PCDH9: variants seen among roughly 807,000 people sequenced by gnomAD.
PCDH9 encodes protocadherin 9.
PCDH9 carries 24 observed loss-of-function variants against 70.6 expected under a neutral mutation model. The ratio of observed to expected loss-of-function variants is 0.34; its 90% CI spans 0.25 to 0.48. The LOEUF (loss-of-function observed/expected upper bound fraction) is 0.48. PCDH9 is among the 20% of genes least tolerant of loss of function. The pLI is 0.99. For synonymous variants in PCDH9, 562 were observed against 558.5 expected (o/e 1.01, Z -0.09); for missense variants, 1,281 against 1,503.6 (o/e 0.85, Z 2.45).
At chr13:66,495,744 T>G (rs768360473) in intron 4 of PCDH9, among the ~76,000 whole-genome samples, 1 of 151,508 alleles carries the variant, frequency 6.6e-6, no homozygotes, top group African/African-American at 2.5e-5. Flanking sequence ...ATCCCCAAAC[T>G]GTGCATTCCA....
chr13:66,447,008 A>G lies in PCDH9; in HGVS notation c.3341-141980T>C, dbSNP rs558107159. 2.7e-4 allele frequency among the ~76,000 whole-genome samples: 41 copies of G among 152,152 alleles called. No individual in the cohort carries two copies. In the Middle Eastern group the frequency reaches 0.01, roughly 38 times the overall value. ...TTTCTAAGCCATTTAGCTTGTTCAT[A>G]AGTTTAGGAGTGTGACAATAGTCAT... On this transcript the variant is annotated intron_variant, in intron 4 of 4. Coordinates refer to ENST00000377865, the MANE Select transcript of PCDH9 (RefSeq NM_203487.3).
At chr13:66,626,506 A>G (rs911448017) in intron 4 of PCDH9, among the ~76,000 whole-genome samples, 1 of 152,188 alleles carries the variant, frequency 6.6e-6, no homozygotes, top group African/African-American at 2.4e-5. Context: ...GGCAGATGAG[A>G]CAATGGACAT....
At chr13:66,537,314 A>T (rs537074984) in intron 4 of PCDH9, among the ~76,000 whole-genome samples, 2 of 152,202 alleles carry the variant, frequency 1.3e-5, no homozygotes, top group African/African-American at 4.8e-5. Context: ...ATTGAAGTGA[A>T]CCTGAAATCT....
At chr13:66,653,738 T>C (rs994161669) in intron 3 of PCDH9, among the ~76,000 whole-genome samples, 1 of 151,650 alleles carries the variant, frequency 6.6e-6, no homozygotes, top group African/African-American at 2.4e-5. Context: ...GAGGCCGAGG[T>C]TGGCGGATCA....
intron 4 of PCDH9, among the ~76,000 whole-genome samples, chr13:66,434,589 G>A (rs762989636): frequency 6.6e-6 from 1 of 151,976 alleles, no homozygotes; most frequent in Non-Finnish European, 1.5e-5. Flanking sequence ...ACAAGTATGA[G>A]TAAAGCTAAG....
chr13:66,556,880 AT>A (rs561782890), intron 4 of PCDH9, among the ~76,000 whole-genome samples: 67 of 152,248 alleles, frequency 4.4e-4, no homozygotes, highest in Non-Finnish European at 8.4e-4. Flanking sequence ...AAACCTAAGA[AT>A]CTAAGTATGA....
At chr13:66,757,801 C>T (rs1442014) in intron 3 of PCDH9, among the ~76,000 whole-genome samples, 19,458 of 151,904 alleles carry the variant, frequency 0.13, 1,612 homozygotes, top group African/African-American at 0.23. Context: ...TTGATGTAGA[C>T]ATAAAAGCAC....
rs79442472 is a variant in PCDH9 at position 67,175,579 on chromosome 13, G to A, written c.3036+49826C>T. 3.7e-4 allele frequency among the ~76,000 whole-genome samples: 56 copies of A among 152,176 alleles called. No individual in the cohort carries two copies. The East Asian group carries it at 9.9e-3, about 27-fold the overall frequency. On this transcript the variant is annotated intron_variant, in intron 2 of 4. Coordinates refer to ENST00000377865, the MANE Select transcript of PCDH9 (RefSeq NM_203487.3). ...CCTCACCTATTTCCACCTCACACTTGCTTACTGTACTACCCATACATTAGT... is the reference window on the plus strand; with the variant it reads ...CCTCACCTATTTCCACCTCACACTTACTTACTGTACTACCCATACATTAGT...
At chr13:66,987,531 T>G (rs989142360) in intron 2 of PCDH9, among the ~76,000 whole-genome samples, 6 of 152,056 alleles carry the variant, frequency 3.9e-5, no homozygotes, top group Non-Finnish European at 7.4e-5. Flanking sequence ...TAATGTAATA[T>G]GTATTATATT....
intron 2 of PCDH9, among the ~76,000 whole-genome samples, chr13:66,928,854 G>T (rs546473885): frequency 2.9e-4 from 39 of 133,784 alleles, no homozygotes; most frequent in African/African-American, 1.0e-3. Context: ...CAGACATAAC[G>T]AGGGAAAAAA....
chr13:66,328,045 C>A (rs1022442232), intron 4 of PCDH9, among the ~76,000 whole-genome samples: 2 of 152,046 alleles, frequency 1.3e-5, no homozygotes, highest in African/African-American at 4.8e-5. Flanking sequence ...TATCACTAAC[C>A]TTTCAAAGAT....
At chr13:67,007,879 A>C (rs775976808) in intron 2 of PCDH9, among the ~76,000 whole-genome samples, 8 of 152,166 alleles carry the variant, frequency 5.3e-5, no homozygotes, top group Non-Finnish European at 7.4e-5. Flanking sequence ...CATGAAAAAC[A>C]TAAAGTGAAA....
At chr13:66,595,052 C>T (rs191225925) in intron 4 of PCDH9, among the ~76,000 whole-genome samples, 39 of 150,122 alleles carry the variant, frequency 2.6e-4, no homozygotes, top group African/African-American at 8.5e-4. Context: ...AAAATAAGTG[C>T]ACACACACAC....
intron 2 of PCDH9, among the ~76,000 whole-genome samples, chr13:67,149,695 G>A (rs1399113754): frequency 6.6e-6 from 1 of 151,884 alleles, no homozygotes; most frequent in Non-Finnish European, 1.5e-5. Flanking sequence ...TTACGTTAAA[G>A]ATTTTTGCTT....
intron 3 of PCDH9, among the ~76,000 whole-genome samples, chr13:66,797,292 G>C (rs747900735): frequency 6.6e-6 from 1 of 151,986 alleles, no homozygotes; most frequent in Non-Finnish European, 1.5e-5. Flanking sequence ...GGGTTTCCCC[G>C]TGAAACCCCA....
At chr13:67,190,319 G>A (rs1306450074) in intron 2 of PCDH9, among the ~76,000 whole-genome samples, 2 of 151,908 alleles carry the variant, frequency 1.3e-5, no homozygotes, top group Non-Finnish European at 2.9e-5. Flanking sequence ...CACTAATTGT[G>A]AACAGAATAT....
chr13:66,856,616 T>A (rs917974368), intron 3 of PCDH9, among the ~76,000 whole-genome samples: 2 of 152,066 alleles, frequency 1.3e-5, no homozygotes, highest in Non-Finnish European at 2.9e-5. Context: ...AAATTTTTTA[T>A]AAGAGGTTTA....
intron 4 of PCDH9, among the ~76,000 whole-genome samples, chr13:66,561,983 C>A (rs1199506121): frequency 6.6e-6 from 1 of 152,068 alleles, no homozygotes; most frequent in Non-Finnish European, 1.5e-5. Flanking sequence ...CCACAAAGGT[C>A]TGCAGCTCCA....
chr13:67,130,738 A>G (rs566418650), intron 2 of PCDH9, among the ~76,000 whole-genome samples: 1 of 152,168 alleles, frequency 6.6e-6, no homozygotes, highest in East Asian at 1.9e-4. Flanking sequence ...CATCTTATCA[A>G]TATCCTGCCA....
Sources: gnomAD v4.1 joint callset for allele counts (sites outside exome capture counted in the v4.1 genomes callset) on GRCh38, gnomAD v4.1.1 for gene constraint, MANE v1.5 for transcripts, NCBI Gene and HGNC (gene_info 2026-07-23, HGNC 2026-07-21) for gene names.